GGT7: variants seen among roughly 807,000 people sequenced by gnomAD.
GGT7 encodes the protein glutathione hydrolase 7.
In GGT7, 30 loss-of-function variants were observed where a neutral mutation model predicts 69.2. That is an observed-to-expected ratio of 0.43 (90% CI 0.32 to 0.59). The LOEUF is 0.59. GGT7 is among the 20% of genes least tolerant of loss of function. GGT7 has a pLI of 0.05. For synonymous variants in GGT7, 388 were observed against 391.8 expected (o/e 0.99, Z 0.12); for missense variants, 733 against 901.1 (o/e 0.81, Z 2.39).
At chr20:34,856,657 G>A (rs1568934534) in intron 8 of GGT7, 149 bp downstream of exon 8, 1 of 629,594 alleles carries the variant, frequency 1.6e-6, no homozygotes, top group Non-Finnish European at 2.9e-6. Flanking sequence ...GGCTGACTCT[G>A]GTTTGCTTCA....
At position 34,863,724 on chromosome 20, in the gene GGT7, T is replaced by G. The variant is rs897311868; in HGVS notation, c.170-176A>C. 1 of 717,426 alleles carries G rather than the reference T, an allele frequency of 1.4e-6. No individual in the cohort carries two copies. Among genetic ancestry groups the G allele is most frequent in the Non-Finnish European group, 2.6e-6 (1 of 386,380 alleles). 44.4% of individuals were successfully genotyped at this position (717,426 alleles called of 1,614,324 possible). A position where few individuals can be genotyped will look rare whatever the true frequency, so the allele number is the denominator to read the frequency against. ...CACCCCAGGACAGGCGGGGCAACGG[T>G]GCCCGGCTAGGAAGAGACAGGGACC... On this transcript the variant is annotated intron_variant, in intron 1 of 14. Coordinates refer to ENST00000336431, the MANE Select transcript of GGT7 (RefSeq NM_178026.3). The surrounding 1 kb of genome is among the most constrained non-coding windows in gnomAD (Gnocchi z 4.4).
intron 14 of GGT7, among the ~76,000 whole-genome samples, chr20:34,849,065 A>G (rs2079344880): frequency 6.6e-6 from 1 of 151,808 alleles, no homozygotes; most frequent in Non-Finnish European, 1.5e-5. Flanking sequence ...TTAGTCCTCA[A>G]ACTCACCAAA....
Position 34,862,935 on chromosome 20 carries a change from C to T in GGT7, c.436G>A (p.Ala146Thr), listed in dbSNP as rs768897716. 110 of 1,613,704 alleles carry T rather than the reference C, an allele frequency of 6.8e-5. No individual in the cohort carries two copies. The highest frequency in any genetic ancestry group is 8.9e-5 in the Non-Finnish European group (105 of 1,179,930). Reference protein sequence around the residue: ...IFQQGAVVTDAARCTSLGIEV... With the variant: ...IFQQGAVVTDTARCTSLGIEV... ...ATGCCCAGTGAAGTGCAGCGGGCAG[C>T]ATCGGTCACCACGGCACCCTGCTGG... is the stretch of plus-strand genomic sequence containing the variant. The change falls in exon 3 of 15, where the codon GCT becomes ACT. Residue 146 changes from alanine (A) to threonine (T), a missense_variant. By Grantham distance (58) the Ala-to-Thr change is moderately conservative (BLOSUM62 0). Coordinates refer to ENST00000336431, the MANE Select transcript of GGT7 (RefSeq NM_178026.3).
chr20:34,856,942 G>T, intron 7 of GGT7, 49 bp from the exon 8 acceptor site: 2 of 1,179,216 alleles, frequency 1.7e-6, no homozygotes, highest in Non-Finnish European at 2.5e-6. Flanking sequence ...GTGACATGGT[G>T]GTTTTGGCCT....
chr20:34,853,079 A>T (rs62211627), intron 10 of GGT7, among the ~76,000 whole-genome samples: 3 of 151,910 alleles, frequency 2.0e-5, no homozygotes, highest in Non-Finnish European at 4.4e-5. Context: ...CCTCCCGATT[A>T]TCTGGGATTA....
At chr20:34,860,463 C>T (rs2079573688) in intron 4 of GGT7, 142 bp from the exon 5 acceptor site, 1 of 676,154 alleles carries the variant, frequency 1.5e-6, no homozygotes, top group African/African-American at 1.8e-5. Flanking sequence ...GAGGGACAAG[C>T]TTTCCCAAGC....
intron 10 of GGT7, among the ~76,000 whole-genome samples, chr20:34,852,942 A>T (rs942599104): frequency 7.7e-5 from 11 of 142,100 alleles, no homozygotes; most frequent in African/African-American, 2.7e-4. Flanking sequence ...GATTTTGTAT[A>T]TGAGGATTTT....
At chr20:34,865,041 C>T (rs1184885651) in intron 1 of GGT7, among the ~76,000 whole-genome samples, 1 of 152,150 alleles carries the variant, frequency 6.6e-6, no homozygotes, top group East Asian at 1.9e-4. Flanking sequence ...AGGCTGGTCT[C>T]GAACTCCTGA....
Position 34,863,345 on chromosome 20 carries a change from G to A in GGT7, c.373C>T (p.Leu125=), listed in dbSNP as rs11546155. The A allele has an allele frequency of 0.15, 242,409 of 1,613,096 alleles. 19,533 individuals carry two copies. Among genetic ancestry groups the A allele is most frequent in the South Asian group, 0.24 (21,640 of 91,020 alleles). The change falls in exon 2 of 15, where the codon CTG becomes TTG. Residue 125 remains leucine, a synonymous_variant. Coordinates refer to ENST00000336431, the MANE Select transcript of GGT7 (RefSeq NM_178026.3). This position sits in a 1 kb window ranked among gnomAD's most constrained non-coding sequence, Gnocchi z 4.4. ...TCCCCGAAGTAGATCTGCATGACCA[G>A]CGCCACGGTGACACCGGTAGCGAAG... ...LTFATGVTVA[L]VMQIYFGDPQ...
At position 34,846,312 on chromosome 20, in the gene GGT7, C is replaced by CT. The variant is rs1555872710; in HGVS notation, c.1826-822dup. Among the ~76,000 whole-genome samples, 124 of 119,356 alleles carry CT rather than the reference C, an allele frequency of 1.0e-3. 1 individual carries two copies. The highest frequency in any genetic ancestry group is 2.0e-3 in the African/African-American group (66 of 33,836). 78.3% of individuals were successfully genotyped at this position (119,356 alleles called of 152,430 possible). A position where few individuals can be genotyped will look rare whatever the true frequency, so the allele number is the denominator to read the frequency against. ...CCTCCCTTCCTTTCTTTCTTTCTTT[C>CT]TTTTTTTTGAGGCGGAGTCTCACTC... is the stretch of plus-strand genomic sequence containing the variant. On this transcript the variant is annotated intron_variant, in intron 14 of 14. Transcript: ENST00000336431.
chr20:34,846,070 AAAG>A (rs2079300299), intron 14 of GGT7, among the ~76,000 whole-genome samples: 1 of 151,994 alleles, frequency 6.6e-6, no homozygotes, highest in Non-Finnish European at 1.5e-5. Flanking sequence ...GTCTCCAAAA[AAAG>A]AAAAGAAAGA....
At position 34,850,050 on chromosome 20, in the gene GGT7, T is replaced by C; in HGVS notation, c.1736A>G (p.Asn579Ser). Reference protein sequence around the residue: ...GLSGLTQVLLNVLTLNRNLSD... With the variant: ...GLSGLTQVLLSVLTLNRNLSD... Reference sequence around the variant, plus strand: ...CAGGTTCCGGTTCAAGGTCAGGACATTCAGCAGAACCTGTGGTAGCCAAGG... The same window carrying C: ...CAGGTTCCGGTTCAAGGTCAGGACACTCAGCAGAACCTGTGGTAGCCAAGG... Residue 579 changes from asparagine (N) to serine (S), a missense_variant, in exon 14 of 15, where the codon AAT becomes AGT. Physicochemically the swap from Asn to Ser is conservative, Grantham distance 46. Transcript: ENST00000336431. The C allele has an allele frequency of 6.2e-7, 1 of 1,613,260 alleles. No homozygotes were observed. The highest frequency in any genetic ancestry group is 8.5e-7 in the Non-Finnish European group (1 of 1,179,252).
chr20:34,869,193 T>C (rs6088632), intron 1 of GGT7, among the ~76,000 whole-genome samples: 1 of 151,554 alleles, frequency 6.6e-6, no homozygotes, highest in South Asian at 2.1e-4. Context: ...TTTGAAACAG[T>C]GTCTCACTCT....
At chr20:34,854,112 T>G (rs969835405) in intron 10 of GGT7, among the ~76,000 whole-genome samples, 3 of 152,300 alleles carry the variant, frequency 2.0e-5, no homozygotes, top group African/African-American at 4.8e-5. Flanking sequence ...AATTTTTGTA[T>G]TTTTAGTAGA....
At chr20:34,865,470 A>G (rs1248976459) in intron 1 of GGT7, among the ~76,000 whole-genome samples, 2 of 152,222 alleles carry the variant, frequency 1.3e-5, no homozygotes, top group Admixed American at 6.5e-5. Flanking sequence ...GATTACAGGC[A>G]TGAGCCACTG....
Position 34,863,018 on chromosome 20 carries a change from A to G in GGT7, c.406-53T>C. ...GGCAGGAGGAGCTGTCCACCTCCCT[A>G]GGGCACCTCCACTAGCCCTAGAACT... On this transcript the variant is annotated intron_variant, in intron 2 of 14. Coordinates refer to ENST00000336431, the MANE Select transcript of GGT7 (RefSeq NM_178026.3). The surrounding 1 kb of genome is among the most constrained non-coding windows in gnomAD (Gnocchi z 4.4). 9 of 1,547,478 alleles carry G rather than the reference A, an allele frequency of 5.8e-6. No individual in the cohort carries two copies. Among genetic ancestry groups the G allele is most frequent in the Non-Finnish European group, 7.9e-6 (9 of 1,137,074 alleles).
Position 34,854,791 on chromosome 20 carries a change from C to T in GGT7, c.1230+5G>A. The T allele has an allele frequency of 6.2e-7, 1 of 1,614,146 alleles. No individual in the cohort carries two copies. Among genetic ancestry groups the T allele is most frequent in the South Asian group, 1.1e-5 (1 of 91,032 alleles). On this transcript the variant is annotated splice_donor_5th_base_variant and intron_variant, in intron 9 of 14. Transcript: ENST00000336431. ...TCCAGGGAAAGGCAGACGGGTCAGC[C>T]TTACCTCTGCCACCCAGTGAAGAGC...
chr20:34,857,259 T>C (rs1182375367), intron 7 of GGT7, among the ~76,000 whole-genome samples: 2 of 152,202 alleles, frequency 1.3e-5, no homozygotes, highest in East Asian at 3.8e-4. Flanking sequence ...CCTGAACTCA[T>C]GCCTTCGTGT....
intron 13 of GGT7, 64 bp downstream of exon 13, chr20:34,851,167 A>T: frequency 6.3e-7 from 1 of 1,584,968 alleles, no homozygotes; most frequent in Non-Finnish European, 8.6e-7. Flanking sequence ...TATGACAGGC[A>T]TCTGCAGTCT....
Sources: gnomAD v4.1 joint callset for allele counts (sites outside exome capture counted in the v4.1 genomes callset) on GRCh38, gnomAD v4.1.1 for gene constraint, Gnocchi (gnomAD v3.1) non-coding constraint, MANE v1.5 for transcripts, NCBI Gene and HGNC (gene_info 2026-07-23, HGNC 2026-07-21) for gene names.